ZNF385D: variants seen among roughly 807,000 people sequenced by gnomAD.
ZNF385D encodes zinc finger protein 659.
In ZNF385D, 15 loss-of-function variants were observed where a neutral mutation model predicts 35.8. That is an observed-to-expected ratio of 0.42 (90% CI 0.28 to 0.64). The LOEUF is 0.64. Ranked by LOEUF, ZNF385D falls within the 30% of genes least tolerant of loss-of-function variation. The probability of loss-of-function intolerance (pLI) is 0.23; values close to 1 mark genes in which losing one functional copy is unlikely to be tolerated. For synonymous variants in ZNF385D, 212 were observed against 186.8 expected (o/e 1.13, Z -1.10); for missense variants, 474 against 494.6 (o/e 0.96, Z 0.39).
chr3:22,026,523 G>A lies in ZNF385D; in HGVS notation c.325+142294C>T, dbSNP rs140283868. On this transcript the variant is annotated intron_variant, in intron 3 of 5. Transcript: ENST00000494108. ...CCAGTTAAAGTAGGGACTTATGGAA[G>A]TCAGACAATTAATGGAGTTTTAGCT... is the stretch of plus-strand genomic sequence containing the variant. 7.2e-3 allele frequency among the ~76,000 whole-genome samples: 1,098 copies of A among 152,306 alleles called. 15 individuals carry two copies. The highest frequency in any genetic ancestry group is 0.025 in the African/African-American group (1,029 of 41,568).
rs146350167 is a variant in ZNF385D, at chr3:21,981,037, T to C, written c.325+187780A>G. On this transcript the variant is annotated intron_variant, in intron 3 of 5. Coordinates refer to the ZNF385D transcript ENST00000494108. ...GTGCTGTACTGAACATTCACGTGCA[T>C]GTGTCTTTATGGTAGAATAATTTCT... 3.8e-3 allele frequency among the ~76,000 whole-genome samples: 584 copies of C among 152,258 alleles called. 3 individuals carry two copies. Among genetic ancestry groups the C allele is most frequent in the African/African-American group, 0.013 (556 of 41,574 alleles).
At chr3:21,933,168 C>T (rs1407987652) in intron 3 of ZNF385D, among the ~76,000 whole-genome samples, 1 of 152,148 alleles carries the variant, frequency 6.6e-6, no homozygotes, top group Non-Finnish European at 1.5e-5. Context: ...TATTTAAAGA[C>T]CAATAAAATA....
At chr3:22,190,765 TA>T in intron 2 of ZNF385D, among the ~76,000 whole-genome samples, 1 of 152,164 alleles carries the variant, frequency 6.6e-6, no homozygotes, top group Non-Finnish European at 1.5e-5. Flanking sequence ...CTAAGTTCTG[TA>T]ACAAAGGTAC....
intron 2 of ZNF385D, among the ~76,000 whole-genome samples, chr3:22,297,979 T>G (rs1559505569): frequency 6.6e-6 from 1 of 152,024 alleles, no homozygotes; most frequent in Non-Finnish European, 1.5e-5. Context: ...GAAAATTAAG[T>G]AGTGGTAGTT....
chr3:22,170,628 G>A (rs1177608232), intron 2 of ZNF385D, among the ~76,000 whole-genome samples: 2 of 151,802 alleles, frequency 1.3e-5, no homozygotes, highest in African/African-American at 4.8e-5. Context: ...CAATTTAAAT[G>A]GTCATTTTAA....
Position 22,031,013 on chromosome 3 carries a change from G to T in ZNF385D, c.325+137804C>A, listed in dbSNP as rs564280457. ...AGTCATTAAACCTTAAGATTTCAAA[G>T]TCTCCTTTGATTCTATGTCTCATAT... On this transcript the variant is annotated intron_variant, in intron 3 of 5. Transcript: ENST00000494108. Among the ~76,000 whole-genome samples, 8 of 152,288 alleles carry T rather than the reference G, an allele frequency of 5.3e-5. No individual in the cohort carries two copies. The South Asian group carries it at 1.0e-3, about 20-fold the overall frequency.
At chr3:21,568,306 A>T (rs1390955651) in intron 2 of ZNF385D, among the ~76,000 whole-genome samples, 2 of 152,214 alleles carry the variant, frequency 1.3e-5, no homozygotes, top group African/African-American at 2.4e-5. Flanking sequence ...CACATGCCGT[A>T]TAACTAAAAG....
At chr3:21,882,075 T>C (rs544449762) in intron 3 of ZNF385D, among the ~76,000 whole-genome samples, 14 of 152,146 alleles carry the variant, frequency 9.2e-5, no homozygotes, top group African/African-American at 3.1e-4. Flanking sequence ...GTTTGAAATG[T>C]CACCAAAGGA....
At chr3:22,140,889 A>G (rs1490491260) in intron 3 of ZNF385D, among the ~76,000 whole-genome samples, 3 of 152,224 alleles carry the variant, frequency 2.0e-5, no homozygotes, top group Admixed American at 2.0e-4. Context: ...ATGAGACAAT[A>G]CAATACCCTA....
chr3:21,834,315 C>T (rs1695190456), intron 3 of ZNF385D, among the ~76,000 whole-genome samples: 1 of 152,146 alleles, frequency 6.6e-6, no homozygotes, highest in Non-Finnish European at 1.5e-5. Context: ...CTCCATCCCC[C>T]TAAGAAAGAT....
intron 3 of ZNF385D, among the ~76,000 whole-genome samples, chr3:21,877,126 A>T (rs1008831835): frequency 2.0e-5 from 3 of 152,076 alleles, no homozygotes; most frequent in African/African-American, 7.2e-5. Context: ...GTACAGGAAA[A>T]AGGCAAAACT....
At chr3:22,182,179 A>G (rs1214073217) in intron 2 of ZNF385D, among the ~76,000 whole-genome samples, 2 of 152,226 alleles carry the variant, frequency 1.3e-5, no homozygotes, top group Non-Finnish European at 2.9e-5. Context: ...ATTATTATGC[A>G]TAAATACATA....
intron 4 of ZNF385D, among the ~76,000 whole-genome samples, chr3:21,442,621 A>G (rs1256732632): frequency 6.6e-6 from 1 of 151,354 alleles, no homozygotes; most frequent in African/African-American, 2.4e-5. Context: ...CCAGGCAGGA[A>G]TGGCCTTGGC....
intron 3 of ZNF385D, among the ~76,000 whole-genome samples, chr3:21,964,111 C>A (rs973970765): frequency 1.3e-5 from 2 of 151,902 alleles, no homozygotes; most frequent in African/African-American, 4.8e-5. Flanking sequence ...CTAATTCAAT[C>A]TAATACAACT....
At chr3:22,053,179 A>T (rs1488092301) in intron 3 of ZNF385D, among the ~76,000 whole-genome samples, 1 of 89,916 alleles carries the variant, frequency 1.1e-5, no homozygotes, top group Non-Finnish European at 2.3e-5. Context: ...CCTCCGAGCC[A>T]GGTGTGGGAT....
At chr3:21,710,274 G>A (rs1274502107) in intron 1 of ZNF385D, among the ~76,000 whole-genome samples, 1 of 152,140 alleles carries the variant, frequency 6.6e-6, no homozygotes, top group Non-Finnish European at 1.5e-5. Context: ...AGATCAAAAG[G>A]AGTAATTTAC....
chr3:21,525,616 G>A (rs1049209726), intron 3 of ZNF385D, among the ~76,000 whole-genome samples: 21 of 150,194 alleles, frequency 1.4e-4, no homozygotes, highest in African/African-American at 3.7e-4. Flanking sequence ...CCTGGGAGGC[G>A]GAGGTTGCAG....
intron 4 of ZNF385D, among the ~76,000 whole-genome samples, chr3:21,485,099 A>T (rs1213482009): frequency 6.6e-6 from 1 of 152,254 alleles, no homozygotes; most frequent in East Asian, 1.9e-4. Context: ...AGGAGAAATA[A>T]GGTGAAATGA....
At chr3:22,022,715 C>A (rs934794659) in intron 3 of ZNF385D, among the ~76,000 whole-genome samples, 1 of 151,692 alleles carries the variant, frequency 6.6e-6, no homozygotes, top group Admixed American at 6.6e-5. Flanking sequence ...CTTCAAAGAA[C>A]GAACAAGGAA....
Sources: gnomAD v4.1 joint callset for allele counts (sites outside exome capture counted in the v4.1 genomes callset) on GRCh38, gnomAD v4.1.1 for gene constraint, MANE v1.5 for transcripts, NCBI Gene and HGNC (gene_info 2026-07-23, HGNC 2026-07-21) for gene names.